ALG14: variants seen among roughly 807,000 people sequenced by gnomAD.
ALG14 encodes UDP-N-acetylglucosamine transferase subunit ALG14.
ALG14 carries 17 observed loss-of-function variants against 22.8 expected under a neutral mutation model. The observed-to-expected ratio is 0.75, with a 90% CI of 0.51 to 1.12. The LOEUF (loss-of-function observed/expected upper bound fraction) is 1.12, where lower values mean the gene tolerates loss of function less well. Ranked by LOEUF, ALG14 falls within the 50% of genes most tolerant of loss-of-function variation. The pLI, the probability that ALG14 is intolerant of heterozygous loss-of-function variation, is 0.00. For missense variants in ALG14, 288 were observed against 271.8 expected (o/e 1.06, Z -0.42); for synonymous variants, 89 against 103.7 (o/e 0.86, Z 0.86).
intron 2 of ALG14, among the ~76,000 whole-genome samples, chr1:95,035,669 TA>T (rs1374239639): frequency 3.9e-5 from 6 of 152,358 alleles, no homozygotes; most frequent in Non-Finnish European, 5.9e-5. Flanking sequence ...ACATCACTGT[TA>T]AAAACCACAA....
chr1:95,005,747 A>G (rs570397928), intron 3 of ALG14, among the ~76,000 whole-genome samples: 2 of 152,334 alleles, frequency 1.3e-5, no homozygotes, highest in South Asian at 4.1e-4. Context: ...GGAGCAGTAG[A>G]TAAGGGGAGC....
In ALG14 at chr1:94,982,901, A is replaced by G. The variant is rs1057266366; in HGVS notation, c.*175T>C. 3.3e-5 allele frequency: 20 copies of G among 606,000 alleles called. No individual in the cohort carries two copies. The African/African-American group carries it at 3.3e-4, about 10-fold the overall frequency. The allele number at this position is 606,000 out of a possible 1,614,324, so 37.5% of individuals were successfully genotyped here. A position where few individuals can be genotyped will look rare whatever the true frequency, so the allele number is the denominator to read the frequency against. On this transcript the variant is annotated 3_prime_UTR_variant, in exon 4 of 4. Transcript: ENST00000370205. ...AGTTACGTTTATCAATGTTTGTTTC[A>G]TAAGAGAAGCCTCAGTTTCTTCACT... is the stretch of plus-strand genomic sequence containing the variant.
chr1:95,027,249 G>A lies in ALG14; in HGVS notation c.300C>T (p.Tyr100=). The change falls in exon 3 of 4, where the codon TAC becomes TAT. Residue 100 remains tyrosine, a synonymous_variant. Transcript: ENST00000370205. ...GGCTTCTTGGAATTCGGTGAATGTA[G>A]TATTTGGTATACTAGAAGGAAACAG... is the stretch of plus-strand genomic sequence containing the variant. The part of the protein sequence containing the change: ...DRDPSNMYTK[Y]YIHRIPRSRE... 6.2e-7 allele frequency: 1 copy of A among 1,614,092 alleles called. No homozygotes were observed. The highest frequency in any genetic ancestry group is 8.5e-7 in the Non-Finnish European group (1 of 1,179,972).
chr1:94,988,193 T>C (rs930978065), intron 3 of ALG14, among the ~76,000 whole-genome samples: 10 of 151,698 alleles, frequency 6.6e-5, no homozygotes, highest in African/African-American at 2.2e-4. Context: ...AATGGGGAAA[T>C]GAGGAAGGGA....
At chr1:95,043,904 A>G (rs1456257177) in intron 2 of ALG14, among the ~76,000 whole-genome samples, 1 of 152,022 alleles carries the variant, frequency 6.6e-6, no homozygotes. Context: ...GAGAGTGCAC[A>G]AGTGTGTAGA....
intron 1 of ALG14, among the ~76,000 whole-genome samples, chr1:95,072,483 C>A (rs1359163806): frequency 6.6e-6 from 1 of 152,156 alleles, no homozygotes; most frequent in Non-Finnish European, 1.5e-5. Context: ...CAAAAGGCTT[C>A]TACGTTCTCT....
chr1:94,977,652 A>G lies in ALG14; in HGVS notation c.*5424T>C, dbSNP rs1042121049. The G allele has an allele frequency of 6.7e-6, 1 of 148,338 alleles. No individual in the cohort carries two copies. The highest frequency in any genetic ancestry group is 2.0e-4 in the East Asian group (1 of 5,076). The allele number at this position is 148,338 out of a possible 1,614,324, so 9.2% of individuals were successfully genotyped here. Reference sequence around the variant, plus strand: ...CACAAACAAAAGCTCATTGGGATATATTTTTTTTTTTTCTGAGGCAGGGTC... The same window carrying G: ...CACAAACAAAAGCTCATTGGGATATGTTTTTTTTTTTTCTGAGGCAGGGTC... On this transcript the variant is annotated 3_prime_UTR_variant, in exon 4 of 4. Transcript: ENST00000370205.
At position 94,982,699 on chromosome 1, in the gene ALG14, C is replaced by CAAAAAAAAAAAAAAAA. The variant is rs368855559; in HGVS notation, c.*361_*376dup. The CAAAAAAAAAAAAAAAA allele has an allele frequency of 8.8e-5, 7 of 79,460 alleles. 1 individual carries two copies. The highest frequency in any genetic ancestry group is 1.3e-4 in the Non-Finnish European group (6 of 45,674). The allele number at this position is 79,460 out of a possible 1,614,324, so 4.9% of individuals were successfully genotyped here. A position where few individuals can be genotyped will look rare whatever the true frequency, so the allele number is the denominator to read the frequency against. ...TTCTTTTACAATGCAGAATACTTTA[C>CAAAAAAAAAAAAAAAA]AAAAAAAAAAAAAAAAAAAAAAAGC... On this transcript the variant is annotated 3_prime_UTR_variant, in exon 4 of 4. Transcript: ENST00000370205.
In ALG14 at chr1:94,981,278, A is replaced by C. The variant is rs1348569158; in HGVS notation, c.*1798T>G. On this transcript the variant is annotated 3_prime_UTR_variant, in exon 4 of 4. Transcript: ENST00000370205. The stretch of plus-strand genomic sequence containing the variant: ...GACTGAGATTTGAGGATTAAAATCA[A>C]AGCACAATGAACTATCATTTGGCTG... 6.6e-6 allele frequency: 1 copy of C among 152,144 alleles called. No homozygotes were observed. Among genetic ancestry groups the C allele is most frequent in the Non-Finnish European group, 1.5e-5 (1 of 68,034 alleles). The allele number at this position is 152,144 out of a possible 1,614,324, so 9.4% of individuals were successfully genotyped here.
At position 94,980,033 on chromosome 1, in the gene ALG14, T is replaced by A. The variant is rs1672468445; in HGVS notation, c.*3043A>T. 1 of 139,228 alleles carries A rather than the reference T, an allele frequency of 7.2e-6. No homozygotes were observed. The highest frequency in any genetic ancestry group is 2.4e-4 in the South Asian group (1 of 4,170). The allele number at this position is 139,228 out of a possible 1,614,324, so 8.6% of individuals were successfully genotyped here. ...AGGTGCTTAATACATTGCTATCAAA[T>A]GCCTTTTGGGGGATGGGGCTTTTCA... On this transcript the variant is annotated 3_prime_UTR_variant, in exon 4 of 4. Transcript: ENST00000370205.
chr1:95,011,963 G>T (rs1673376216), intron 3 of ALG14, among the ~76,000 whole-genome samples: 1 of 152,154 alleles, frequency 6.6e-6, no homozygotes, highest in African/African-American at 2.4e-5. Context: ...CCCATGTGTT[G>T]TGGGAGGGAC....
chr1:95,032,414 G>A (rs1032944033), intron 2 of ALG14, among the ~76,000 whole-genome samples: 1 of 152,064 alleles, frequency 6.6e-6, no homozygotes, highest in South Asian at 2.1e-4. Context: ...AGGGAATTGT[G>A]GATTTATAAA....
At chr1:95,029,695 G>C (rs983499853) in intron 2 of ALG14, among the ~76,000 whole-genome samples, 8 of 152,272 alleles carry the variant, frequency 5.3e-5, no homozygotes, top group Non-Finnish European at 2.9e-5. Flanking sequence ...ATTGTGTTTG[G>C]AGGCTTCTAT....
In ALG14 at chr1:95,002,560, C is replaced by T. The variant is rs191038163; in HGVS notation, c.421-19254G>A. ...CACATGCTACGAAAACAGCCACAAA[C>T]GGATTTTCCATTTCATGTCAAAATG... is the stretch of plus-strand genomic sequence containing the variant. On this transcript the variant is annotated intron_variant, in intron 3 of 3. Transcript: ENST00000370205. Among the ~76,000 whole-genome samples the T allele has an allele frequency of 6.6e-5, 10 of 152,294 alleles. No homozygotes were observed. The East Asian group carries it at 1.7e-3, about 26-fold the overall frequency.
intron 3 of ALG14, among the ~76,000 whole-genome samples, chr1:94,986,385 C>A (rs1672641202): frequency 1.3e-5 from 2 of 152,184 alleles, no homozygotes; most frequent in Non-Finnish European, 2.9e-5. Flanking sequence ...TCTTTGCTTA[C>A]CCTATATTGA....
intron 2 of ALG14, among the ~76,000 whole-genome samples, chr1:95,052,590 G>T (rs1674784587): frequency 1.3e-5 from 2 of 152,156 alleles, no homozygotes; most frequent in African/African-American, 4.8e-5. Context: ...AGGCGCAGTG[G>T]CTCACACCTG....
At chr1:95,047,355 T>G (rs1047085699) in intron 2 of ALG14, among the ~76,000 whole-genome samples, 3 of 152,202 alleles carry the variant, frequency 2.0e-5, no homozygotes, top group African/African-American at 7.2e-5. Context: ...TTTATTTATT[T>G]TTTTTTAGAT....
At chr1:95,029,038 C>T (rs2100774934) in intron 2 of ALG14, among the ~76,000 whole-genome samples, 1 of 152,308 alleles carries the variant, frequency 6.6e-6, no homozygotes, top group East Asian at 1.9e-4. Flanking sequence ...AATTTACCAG[C>T]TTAAAACAAT....
chr1:95,031,993 G>A (rs960590480), intron 2 of ALG14, among the ~76,000 whole-genome samples: 1 of 152,128 alleles, frequency 6.6e-6, no homozygotes, highest in Admixed American at 6.5e-5. Flanking sequence ...ATTTTTAGTA[G>A]AGACAGGGTT....
Sources: allele counts gnomAD v4.1 joint callset (sites outside exome capture counted in the v4.1 genomes callset), GRCh38; gene constraint gnomAD v4.1.1; transcripts MANE v1.5; gene names NCBI Gene and HGNC (gene_info 2026-07-23, HGNC 2026-07-21).